Variants in ROBO2 observed in about 807,000 individuals in gnomAD.
ROBO2 encodes the protein roundabout guidance receptor 2, also known as roundabout homolog 2.
A neutral mutation model predicts 160.8 loss-of-function variants in ROBO2; 53 were observed. That is an observed-to-expected ratio of 0.33 (90% confidence interval 0.26 to 0.41). The LOEUF (loss-of-function observed/expected upper bound fraction) is 0.41. Among genes scored for constraint, ROBO2 ranks in the 10% least tolerant of loss-of-function variants. The pLI is 1.00. For missense variants in ROBO2, 1,577 were observed against 1,722.4 expected (o/e 0.92, Z 1.49); for synonymous variants, 664 against 611.7 (o/e 1.09, Z -1.26).
At chr3:76,498,532 A>G (rs2080278795) in intron 2 of ROBO2, among the ~76,000 whole-genome samples, 1 of 151,780 alleles carries the variant, frequency 6.6e-6, no homozygotes, top group Admixed American at 6.6e-5. Context: ...TATAATAAAT[A>G]TATATTTCTA....
At chr3:77,632,407 A>G (rs1583410133) in intron 23 of ROBO2, 1 of 1,183,358 alleles carries the variant, frequency 8.5e-7, no homozygotes, top group Non-Finnish European at 1.1e-6. Context: ...GCTCATTAGT[A>G]TAGTGTGTAC....
At chr3:76,322,854 TAA>T (rs2072682843) in intron 2 of ROBO2, among the ~76,000 whole-genome samples, 1 of 152,170 alleles carries the variant, frequency 6.6e-6, no homozygotes, top group Admixed American at 6.5e-5. Flanking sequence ...TAAAGGCAAT[TAA>T]AATAACTTTA....
chr3:76,153,569 A>T (rs1436478619), intron 2 of ROBO2, among the ~76,000 whole-genome samples: 2 of 152,184 alleles, frequency 1.3e-5, no homozygotes, highest in African/African-American at 4.8e-5. Flanking sequence ...TAAAAATCAC[A>T]CATATTCAAA....
chr3:75,982,383 C>A (rs183787457), intron 2 of ROBO2, among the ~76,000 whole-genome samples: 1 of 151,540 alleles, frequency 6.6e-6, no homozygotes, highest in African/African-American at 2.4e-5. Context: ...AATTTACATT[C>A]CCGCCAACAG....
chr3:77,390,101 TC>T (rs1313974855), intron 2 of ROBO2, among the ~76,000 whole-genome samples: 1 of 152,120 alleles, frequency 6.6e-6, no homozygotes, highest in Non-Finnish European at 1.5e-5. Flanking sequence ...GGAAGTGGGA[TC>T]AATGAGATGA....
At chr3:76,348,879 T>G (rs920935014) in intron 2 of ROBO2, among the ~76,000 whole-genome samples, 5 of 152,146 alleles carry the variant, frequency 3.3e-5, no homozygotes, top group Non-Finnish European at 7.4e-5. Flanking sequence ...GTTCAAAAAG[T>G]TATGGAGGCT....
At chr3:77,455,282 A>G (rs2081511238) in intron 2 of ROBO2, among the ~76,000 whole-genome samples, 1 of 152,228 alleles carries the variant, frequency 6.6e-6, no homozygotes, top group Non-Finnish European at 1.5e-5. Flanking sequence ...TTCAGCAGTT[A>G]CAATCATTTA....
chr3:76,475,972 G>A (rs1334561191), intron 2 of ROBO2, among the ~76,000 whole-genome samples: 1 of 152,128 alleles, frequency 6.6e-6, no homozygotes, highest in Non-Finnish European at 1.5e-5. Context: ...GGCCAACATG[G>A]TGTAACCCCA....
exon 23 of ROBO2, chr3:77,622,370 C>T (rs762938266): frequency 9.9e-6 from 16 of 1,613,884 alleles, no homozygotes; most frequent in Non-Finnish European, 1.4e-5. Context: ...ATCCCCAGGC[C>T]CCTGAGAGCA....
At chr3:76,636,794 A>T (rs1578758883) in intron 2 of ROBO2, among the ~76,000 whole-genome samples, 1 of 152,098 alleles carries the variant, frequency 6.6e-6, no homozygotes, top group Non-Finnish European at 1.5e-5. Flanking sequence ...TTTATAGATC[A>T]TAGGAACTGT....
At chr3:77,318,057 T>G (rs2064249710) in intron 2 of ROBO2, among the ~76,000 whole-genome samples, 1 of 152,174 alleles carries the variant, frequency 6.6e-6, no homozygotes, top group Non-Finnish European at 1.5e-5. Context: ...TTAATTTTAT[T>G]ATTTTTTTGA....
At chr3:77,169,526 C>T (rs1185026217) in intron 2 of ROBO2, among the ~76,000 whole-genome samples, 1 of 152,112 alleles carries the variant, frequency 6.6e-6, no homozygotes, top group Non-Finnish European at 1.5e-5. Flanking sequence ...AGAAATTTCA[C>T]ATGCTAAATA....
At chr3:77,348,949 C>T (rs867386064) in intron 2 of ROBO2, among the ~76,000 whole-genome samples, 4 of 152,044 alleles carry the variant, frequency 2.6e-5, no homozygotes, top group Admixed American at 6.6e-5. Context: ...CTTCTTCTCC[C>T]GAAAAGCTTC....
At chr3:77,586,499 T>A (rs1161187886) in intron 16 of ROBO2, among the ~76,000 whole-genome samples, 1 of 152,112 alleles carries the variant, frequency 6.6e-6, no homozygotes, top group African/African-American at 2.4e-5. Flanking sequence ...TTCATTATAT[T>A]TTTTTGTCTG....
intron 2 of ROBO2, among the ~76,000 whole-genome samples, chr3:77,230,526 A>G (rs997649152): frequency 6.6e-6 from 1 of 152,222 alleles, no homozygotes; most frequent in Admixed American, 6.5e-5. Context: ...AAAACAATTA[A>G]TTCCTTTTTG....
At chr3:77,449,335 T>A (rs953047962) in intron 2 of ROBO2, among the ~76,000 whole-genome samples, 1 of 152,142 alleles carries the variant, frequency 6.6e-6, no homozygotes, top group African/African-American at 2.4e-5. Context: ...TTTCCATTTT[T>A]AAATTTTTAA....
rs1181287008 is a variant in ROBO2 at position 76,256,598 on chromosome 3, C to A, written c.109+318996C>A. On this transcript the variant is annotated intron_variant, in intron 2 of 26. Transcript: ENST00000487694. ...TGATGATAGTGGTCTGTAGTTCTAG[C>A]TACTAGGGAGGCTGAGGTGGGAGGA... Among the ~76,000 whole-genome samples, 3 of 151,888 alleles carry A rather than the reference C, an allele frequency of 2.0e-5. No individual in the cohort carries two copies. In the East Asian group the frequency reaches 5.8e-4, roughly 30 times the overall value.
intron 2 of ROBO2, among the ~76,000 whole-genome samples, chr3:76,624,171 A>G (rs1388877033): frequency 6.6e-5 from 10 of 152,222 alleles, no homozygotes; most frequent in African/African-American, 2.4e-4. Flanking sequence ...ACACTCTTTT[A>G]TAAGTTTTTA....
intron 2 of ROBO2, among the ~76,000 whole-genome samples, chr3:76,109,583 T>C (rs1032236925): frequency 6.6e-6 from 1 of 152,094 alleles, no homozygotes; most frequent in Admixed American, 6.6e-5. Flanking sequence ...GCTTTCAATG[T>C]TTTTCATTTC....
Sources: allele counts gnomAD v4.1 joint callset (sites outside exome capture counted in the v4.1 genomes callset), GRCh38; gene constraint gnomAD v4.1.1; transcripts MANE v1.5; gene names NCBI Gene and HGNC (gene_info 2026-07-23, HGNC 2026-07-21).